VPS13B: variants seen among roughly 807,000 people sequenced by gnomAD.
The protein encoded by VPS13B is vacuolar protein sorting 13 homolog B.
VPS13B carries 285 observed loss-of-function variants against 426.4 expected under a neutral mutation model. The observed-to-expected ratio is 0.67, with a 90% CI of 0.61 to 0.74. The LOEUF (loss-of-function observed/expected upper bound fraction) is 0.74. Ranked by LOEUF, VPS13B falls within the 30% of genes least tolerant of loss-of-function variation. The pLI is 0.00. For synonymous variants in VPS13B, 1,676 were observed against 1,676.4 expected, an observed-to-expected ratio of 1.00 and a Z score of 0.01; for missense variants, 4,537 against 4,782.6, an observed-to-expected ratio of 0.95 and a Z score of 1.51.
chr8:99,739,101 T>A (rs1833955921), intron 39 of VPS13B, among the ~76,000 whole-genome samples: 1 of 152,202 alleles, frequency 6.6e-6, no homozygotes, highest in Admixed American at 6.5e-5. Context: ...AGACGGCACC[T>A]GGAAAATCAG....
chr8:99,233,059 C>T lies in VPS13B; in HGVS notation c.2515+40002C>T, dbSNP rs111363193. ...TGCCTGTGGGAGGCCTCACTTGCTG[C>T]GCTGTGAGGCGACTCCCTGAGGGTA... On this transcript the variant is annotated intron_variant, in intron 17 of 61. Coordinates refer to ENST00000357162, the MANE Select transcript of VPS13B (RefSeq NM_152564.5). 4.2e-3 allele frequency: 5,419 copies of T among 1,276,324 alleles called. 196 individuals are homozygous for T. The African/African-American group carries it at 0.071, about 17-fold the overall frequency. The allele number at this position is 1,276,324 out of a possible 1,614,324, so 79.1% of individuals were successfully genotyped here. A position where few individuals can be genotyped will look rare whatever the true frequency, so the allele number is the denominator to read the frequency against.
chr8:99,248,100 T>A (rs1817317775), intron 17 of VPS13B, among the ~76,000 whole-genome samples: 1 of 152,202 alleles, frequency 6.6e-6, no homozygotes. Context: ...CCACTTAGCT[T>A]CCAGTGCTCT....
At chr8:99,551,195 A>ATT (rs1824262903) in intron 30 of VPS13B, among the ~76,000 whole-genome samples, 2 of 152,048 alleles carry the variant, frequency 1.3e-5, no homozygotes, top group African/African-American at 4.8e-5. Flanking sequence ...GTTTTTACAA[A>ATT]TAAATTTAGA....
At chr8:99,091,005 A>G (rs1846114049) in intron 3 of VPS13B, among the ~76,000 whole-genome samples, 1 of 152,200 alleles carries the variant, frequency 6.6e-6, no homozygotes, top group African/African-American at 2.4e-5. Context: ...TATGAAGGAA[A>G]GGAATGTCAT....
In VPS13B at chr8:99,823,878, T is replaced by A; in HGVS notation, c.9230T>A (p.Ile3077Asn). ...ISSMVQQGIQ[I>N]IQIEDKTTII... is the part of the protein sequence containing the mutation. The stretch of plus-strand genomic sequence containing the variant: ...TCCATGGTACAGCAAGGTATACAAA[T>A]TATTCAGATTGAAGACAAGACTACA... The change falls in exon 51 of 62, where the codon ATT becomes AAT. Residue 3077 changes from isoleucine to asparagine, a missense_variant. By Grantham distance (149) the Ile-to-Asn change is moderately radical (BLOSUM62 -3). Around this residue, in one of 2 missense-constraint regions of VPS13B, gnomAD observed 4,311 missense variants for 4,474.3 expected, o/e 0.96. Transcript: ENST00000357162. 6.2e-7 allele frequency: 1 copy of A among 1,613,692 alleles called. No individual in the cohort carries two copies. Among genetic ancestry groups the A allele is most frequent in the Non-Finnish European group, 8.5e-7 (1 of 1,179,808 alleles).
intron 36 of VPS13B, among the ~76,000 whole-genome samples, chr8:99,703,506 A>G (rs571061736): frequency 1.3e-5 from 2 of 152,288 alleles, no homozygotes. Flanking sequence ...TCCTATGATT[A>G]TATTAAAAGT....
At chr8:99,403,682 G>T (rs1039129855) in intron 21 of VPS13B, among the ~76,000 whole-genome samples, 7 of 152,168 alleles carry the variant, frequency 4.6e-5, no homozygotes, top group African/African-American at 1.7e-4. Context: ...CCCAGGTTGG[G>T]TCATGTATTC....
intron 3 of VPS13B, chr8:99,094,078 A>C (rs1846306291): frequency 6.6e-6 from 1 of 152,190 alleles, no homozygotes; most frequent in Non-Finnish European, 1.5e-5. Flanking sequence ...ATTGGACTGC[A>C]GTAGTTTTAG....
chr8:99,382,825 T>G (rs1368010982), intron 19 of VPS13B, among the ~76,000 whole-genome samples: 1 of 152,194 alleles, frequency 6.6e-6, no homozygotes, highest in East Asian at 1.9e-4. Flanking sequence ...CTTTCCTGAT[T>G]GCTCTGGCCA....
intron 17 of VPS13B, among the ~76,000 whole-genome samples, chr8:99,213,143 A>G (rs1288097960): frequency 1.3e-5 from 2 of 152,162 alleles, no homozygotes; most frequent in Non-Finnish European, 2.9e-5. Flanking sequence ...GCTGGGTAAT[A>G]TGGCGTGTGT....
chr8:99,427,847 G>C (rs967286778), intron 21 of VPS13B, among the ~76,000 whole-genome samples: 12 of 152,050 alleles, frequency 7.9e-5, no homozygotes, highest in African/African-American at 2.9e-4. Context: ...TAAGCCAAAA[G>C]AACAAAGCTG....
At chr8:99,815,262 T>TGATTACAAA (rs551843378) in intron 44 of VPS13B, among the ~76,000 whole-genome samples, 4 of 152,084 alleles carry the variant, frequency 2.6e-5, no homozygotes, top group Non-Finnish European at 5.9e-5. Context: ...AGCTCCCATC[T>TGATTACAAA]GATTACAAAG....
intron 19 of VPS13B, among the ~76,000 whole-genome samples, chr8:99,304,073 G>A (rs948018095): frequency 6.6e-6 from 1 of 152,020 alleles, no homozygotes; most frequent in African/African-American, 2.4e-5. Flanking sequence ...TGTGATTTTT[G>A]TGATCATGGG....
intron 21 of VPS13B, among the ~76,000 whole-genome samples, chr8:99,418,345 T>C (rs1816152346): frequency 6.6e-6 from 1 of 152,056 alleles, no homozygotes; most frequent in African/African-American, 2.4e-5. Context: ...CCATATTATT[T>C]ATCTAATAAA....
chr8:99,574,248 G>T (rs1002842034), intron 31 of VPS13B, among the ~76,000 whole-genome samples: 2 of 152,052 alleles, frequency 1.3e-5, no homozygotes, highest in Non-Finnish European at 2.9e-5. Context: ...GTCTGCAAAC[G>T]GGGACAATAT....
chr8:99,692,018 T>C (rs1401156701), intron 35 of VPS13B, among the ~76,000 whole-genome samples: 57 of 151,530 alleles, frequency 3.8e-4, no homozygotes, highest in African/African-American at 1.3e-3. Context: ...ATGCACCCAA[T>C]ACAGGAGCAC....
chr8:99,766,867 C>T lies in VPS13B; in HGVS notation c.7144C>T (p.Gln2382Ter). ...NLSESKVCELQLPDINLVNDQ... is the reference protein window; with the variant it reads ...NLSESKVCEL ...GTCTGAAAGCAAAGTTTGTGAACTG[C>T]AGTTGCCGGATATCAATCTCGTGAA... is the stretch of plus-strand genomic sequence containing the variant. Residue 2382 changes from glutamine (Q) to a stop codon, truncating the protein, a stop_gained, in exon 40 of 62, where the codon CAG becomes TAG. Coordinates refer to ENST00000357162, the MANE Select transcript of VPS13B (RefSeq NM_152564.5). LOFTEE classifies it high-confidence loss of function. 3 of 1,613,976 alleles carry T rather than the reference C, an allele frequency of 1.9e-6. No homozygotes were observed. The highest frequency in any genetic ancestry group is 2.5e-6 in the Non-Finnish European group (3 of 1,179,944).
chr8:99,735,832 A>G (rs1833803309), intron 39 of VPS13B, among the ~76,000 whole-genome samples: 2 of 152,120 alleles, frequency 1.3e-5, no homozygotes, highest in African/African-American at 2.4e-5. Context: ...CAGAAAGAGT[A>G]TATTATGGAC....
intron 19 of VPS13B, among the ~76,000 whole-genome samples, chr8:99,343,774 G>A (rs1019503549): frequency 1.3e-5 from 2 of 152,116 alleles, no homozygotes; most frequent in African/African-American, 4.8e-5. Flanking sequence ...ATTTAAAATT[G>A]TAAAACCATT....
Sources: allele counts gnomAD v4.1 joint callset (sites outside exome capture counted in the v4.1 genomes callset), GRCh38; gene constraint gnomAD v4.1.1; regional missense constraint gnomAD v4.1.1; transcripts MANE v1.5; gene names NCBI Gene and HGNC (gene_info 2026-07-23, HGNC 2026-07-21).